The following CHST10 variants were observed in gnomAD, a reference collection of about 807,000 sequenced individuals.
The protein encoded by CHST10 is HNK-1 sulfotransferase.
A neutral mutation model predicts 34.7 loss-of-function variants in CHST10; 24 were observed. The ratio of observed to expected loss-of-function variants is 0.69; its 90% CI spans 0.50 to 0.97. The LOEUF is 0.97. Ranked by LOEUF, CHST10 falls within the 50% of genes least tolerant of loss-of-function variation. The pLI is 0.00. For synonymous variants in CHST10, 161 were observed against 169.3 expected (o/e 0.95, Z 0.38); for missense variants, 402 against 452.1 (o/e 0.89, Z 1.00).
intron 4 of CHST10, 112 bp downstream of exon 4, chr2:100,402,452 G>A (rs1259788226): frequency 1.3e-6 from 1 of 768,468 alleles, no homozygotes; most frequent in East Asian, 2.5e-5. Flanking sequence ...CACAGGAAAA[G>A]GCTCTAACGC....
chr2:100,402,515 A>C (rs1418560078), intron 4 of CHST10, 49 bp downstream of exon 4: 4 of 1,519,832 alleles, frequency 2.6e-6, no homozygotes, highest in Non-Finnish European at 3.6e-6. Flanking sequence ...TCCCCGCGAC[A>C]AGGGTGCCGT....
intron 2 of CHST10, among the ~76,000 whole-genome samples, chr2:100,411,116 CTTTTTTT>C (rs66495740): frequency 1.2e-4 from 15 of 129,088 alleles, no homozygotes; most frequent in Admixed American, 7.7e-4. Context: ...AGCATTTTTT[CTTTTTTT>C]TTTTTTTTTT....
rs561254884 is a variant in CHST10, at chr2:100,397,907, C to G, written c.427+1G>C. 6.2e-7 allele frequency: 1 copy of G among 1,608,726 alleles called. No homozygotes were observed. Among genetic ancestry groups the G allele is most frequent in the Admixed American group, 1.7e-5 (1 of 59,882 alleles). Reference sequence around the variant, plus strand: ...TGGACATTCAGTAGACCCACACACACCATTTAGAACAATCAGCACTTTCTT... The same window carrying G: ...TGGACATTCAGTAGACCCACACACAGCATTTAGAACAATCAGCACTTTCTT... On this transcript the variant is annotated splice_donor_variant, in intron 5 of 6. Transcript: ENST00000264249. LOFTEE classifies it high-confidence loss of function.
At chr2:100,405,566 C>T (rs960667333) in intron 3 of CHST10, among the ~76,000 whole-genome samples, 16 of 152,180 alleles carry the variant, frequency 1.1e-4, no homozygotes, top group Non-Finnish European at 1.8e-4. Context: ...GGAGCAGGGG[C>T]CTGTCCCACA....
intron 2 of CHST10, among the ~76,000 whole-genome samples, chr2:100,413,944 G>C (rs1349471226): frequency 2.6e-5 from 4 of 152,082 alleles, no homozygotes; most frequent in Non-Finnish European, 5.9e-5. Flanking sequence ...CTCTGAGCCG[G>C]GGCTGTTCTA....
At chr2:100,403,417 T>A (rs575072152) in intron 3 of CHST10, among the ~76,000 whole-genome samples, 3 of 152,358 alleles carry the variant, frequency 2.0e-5, no homozygotes, top group African/African-American at 7.2e-5. Flanking sequence ...TAGTTCAATA[T>A]GATACTGAAA....
At chr2:100,402,970 A>C (rs1164136724) in intron 3 of CHST10, among the ~76,000 whole-genome samples, 1 of 152,328 alleles carries the variant, frequency 6.6e-6, no homozygotes, top group Non-Finnish European at 1.5e-5. Flanking sequence ...GAAAATCTAC[A>C]CTGTGAAAGC....
intron 4 of CHST10, among the ~76,000 whole-genome samples, chr2:100,399,237 G>A (rs1231816085): frequency 6.6e-6 from 1 of 152,094 alleles, no homozygotes; most frequent in African/African-American, 2.4e-5. Flanking sequence ...TCGAGTAGCT[G>A]GGACTATAGG....
chr2:100,395,814 G>A (rs528408944), intron 5 of CHST10, among the ~76,000 whole-genome samples, 200 bp from the exon 6 acceptor site: 1 of 152,296 alleles, frequency 6.6e-6, no homozygotes, highest in Non-Finnish European at 1.5e-5. Context: ...AAGCTTCTGG[G>A]AATCCATAAG....
intron 1 of CHST10, chr2:100,416,307 T>G (rs964678453): frequency 5.9e-5 from 9 of 152,292 alleles, no homozygotes; most frequent in African/African-American, 2.2e-4. Context: ...AATTCTTTCC[T>G]TTCTTTGTTC....
intron 3 of CHST10, among the ~76,000 whole-genome samples, chr2:100,405,928 G>T (rs887448339): frequency 1.3e-5 from 2 of 152,188 alleles, no homozygotes. Flanking sequence ...GCAATCATGG[G>T]CGGTGCCGGA....
chr2:100,407,457 G>C (rs1188456551), intron 2 of CHST10, among the ~76,000 whole-genome samples: 1 of 152,164 alleles, frequency 6.6e-6, no homozygotes, highest in South Asian at 2.1e-4. Context: ...CTTTAACACA[G>C]TGCTTCTTCA....
chr2:100,404,571 C>T (rs762410809), intron 3 of CHST10, among the ~76,000 whole-genome samples: 6 of 152,138 alleles, frequency 3.9e-5, no homozygotes, highest in Admixed American at 6.5e-5. Flanking sequence ...TTTTTCTAAC[C>T]GGGCCTACCC....
intron 4 of CHST10, among the ~76,000 whole-genome samples, chr2:100,400,660 T>C (rs1675297699): frequency 6.6e-6 from 1 of 152,238 alleles, no homozygotes; most frequent in African/African-American, 2.4e-5. Context: ...CATTCAAACA[T>C]TCGGCTACAC....
intron 3 of CHST10, among the ~76,000 whole-genome samples, chr2:100,404,089 C>G (rs1346139419): frequency 6.6e-6 from 1 of 152,238 alleles, no homozygotes; most frequent in Non-Finnish European, 1.5e-5. Flanking sequence ...ATCCAGAACT[C>G]AGCTGGCGGA....
At chr2:100,394,726 CTTTT>C (rs11345127) in intron 6 of CHST10, among the ~76,000 whole-genome samples, 1 of 140,534 alleles carries the variant, frequency 7.1e-6, no homozygotes. Context: ...ACTCCATCTT[CTTTT>C]TTTTTTTTTT....
Position 100,392,629 on chromosome 2 carries a change from A to C in CHST10, c.*616T>G, listed in dbSNP as rs1674845816. The C allele has an allele frequency of 6.4e-6, 1 of 156,876 alleles. No homozygotes were observed. Among genetic ancestry groups the C allele is most frequent in the Admixed American group, 6.1e-5 (1 of 16,392 alleles). The allele number at this position is 156,876 out of a possible 1,614,324, so 9.7% of individuals were successfully genotyped here. A position where few individuals can be genotyped will look rare whatever the true frequency, so the allele number is the denominator to read the frequency against. On this transcript the variant is annotated 3_prime_UTR_variant, in exon 7 of 7. Coordinates refer to ENST00000264249, the MANE Select transcript of CHST10 (RefSeq NM_004854.5). ...ATTCTGGAAAGATGGACCCCTGGAC[A>C]CCACACCACCCTCTGGCCATCGCTG...
Position 100,392,388 on chromosome 2 carries a change from G to A in CHST10, c.*857C>T, listed in dbSNP as rs1274206355. On this transcript the variant is annotated 3_prime_UTR_variant, in exon 7 of 7. Coordinates refer to ENST00000264249, the MANE Select transcript of CHST10 (RefSeq NM_004854.5). ...CACCCAGGTAAGGCAAGTCAGAACTGATGCGCCGGGATCCACAGCAGCCTG... is the reference window on the plus strand; with the variant it reads ...CACCCAGGTAAGGCAAGTCAGAACTAATGCGCCGGGATCCACAGCAGCCTG... 1 of 152,306 alleles carries A rather than the reference G, an allele frequency of 6.6e-6. No individual in the cohort carries two copies. Among genetic ancestry groups the A allele is most frequent in the African/African-American group, 2.4e-5 (1 of 41,446 alleles). The allele number at this position is 152,306 out of a possible 1,614,324, so 9.4% of individuals were successfully genotyped here. A position where few individuals can be genotyped will look rare whatever the true frequency, so the allele number is the denominator to read the frequency against.
chr2:100,411,185 T>G (rs1025072708), intron 2 of CHST10, among the ~76,000 whole-genome samples: 2 of 151,432 alleles, frequency 1.3e-5, no homozygotes, highest in African/African-American at 4.9e-5. Flanking sequence ...GGTGCAATCT[T>G]GGCTCACTGC....
Sources: allele counts gnomAD v4.1 joint callset (sites outside exome capture counted in the v4.1 genomes callset), GRCh38; gene constraint gnomAD v4.1.1; transcripts MANE v1.5; gene names NCBI Gene and HGNC (gene_info 2026-07-23, HGNC 2026-07-21).